Variants in SNTG1 observed in about 807,000 individuals in gnomAD.
SNTG1 encodes the protein gamma-1-syntrophin.
Under a neutral mutation model 74.7 loss-of-function variants are expected in SNTG1, and 39 were observed. The observed-to-expected ratio is 0.52, with a 90% confidence interval of 0.40 to 0.68. The LOEUF (loss-of-function observed/expected upper bound fraction) is 0.68. SNTG1 is among the 30% of genes least tolerant of loss of function. SNTG1 has a pLI of 0.00. For missense variants in SNTG1, 685 were observed against 609.5 expected, an observed-to-expected ratio of 1.12 and a Z score of -1.30; for synonymous variants, 254 against 217.1, an observed-to-expected ratio of 1.17 and a Z score of -1.49.
intron 18 of SNTG1, among the ~76,000 whole-genome samples, chr8:50,768,024 A>G (rs901544893): frequency 3.3e-5 from 5 of 151,990 alleles, no homozygotes; most frequent in Non-Finnish European, 7.4e-5. Context: ...TGTACAGTAC[A>G]TAAGAGAAGG....
chr8:50,234,697 C>T (rs2085801424), intron 2 of SNTG1, among the ~76,000 whole-genome samples: 1 of 151,986 alleles, frequency 6.6e-6, no homozygotes, highest in Non-Finnish European at 1.5e-5. Flanking sequence ...AAAACCATAT[C>T]CTAAATATTG....
intron 1 of SNTG1, among the ~76,000 whole-genome samples, chr8:50,042,130 T>C (rs1474672086): frequency 1.3e-5 from 2 of 152,220 alleles, no homozygotes; most frequent in East Asian, 3.8e-4. Flanking sequence ...ATTTTTTTGG[T>C]CATCAGCCTT....
chr8:50,088,296 T>G (rs1823107037), intron 1 of SNTG1, among the ~76,000 whole-genome samples: 1 of 147,526 alleles, frequency 6.8e-6, no homozygotes, highest in Non-Finnish European at 1.5e-5. Flanking sequence ...ACAGCCAATA[T>G]CATACTGAAT....
intron 1 of SNTG1, among the ~76,000 whole-genome samples, chr8:49,935,611 C>A (rs1808013237): frequency 6.6e-6 from 1 of 151,984 alleles, no homozygotes; most frequent in South Asian, 2.1e-4. Flanking sequence ...TTTCCCAGCC[C>A]TGGTTAAGAC....
chr8:50,128,553 A>G (rs1286510638), intron 1 of SNTG1, among the ~76,000 whole-genome samples: 1 of 152,112 alleles, frequency 6.6e-6, no homozygotes, highest in African/African-American at 2.4e-5. Context: ...AATAAACCAT[A>G]TATTGTTCCC....
chr8:49,928,663 C>T (rs984304231), intron 1 of SNTG1, among the ~76,000 whole-genome samples: 7 of 151,876 alleles, frequency 4.6e-5, no homozygotes, highest in Non-Finnish European at 1.0e-4. Context: ...ATTTTGCTGT[C>T]AATGTAAAAC....
intron 9 of SNTG1, among the ~76,000 whole-genome samples, chr8:50,518,472 G>A (rs1270567725): frequency 6.6e-6 from 1 of 152,032 alleles, no homozygotes; most frequent in Non-Finnish European, 1.5e-5. Flanking sequence ...AGAACTTAAG[G>A]AGATAGAGAC....
At chr8:50,563,871 C>G (rs1486414528) in intron 12 of SNTG1, among the ~76,000 whole-genome samples, 1 of 152,090 alleles carries the variant, frequency 6.6e-6, no homozygotes, top group Non-Finnish European at 1.5e-5. Flanking sequence ...TCAGACAGCT[C>G]TCTCCTGGAA....
At chr8:49,943,551 C>A (rs1808888187) in intron 1 of SNTG1, among the ~76,000 whole-genome samples, 1 of 152,230 alleles carries the variant, frequency 6.6e-6, no homozygotes, top group Admixed American at 6.5e-5. Flanking sequence ...ATCTTTTTGT[C>A]TGAAGGCTTG....
At chr8:50,786,796 A>T (rs1356566658) in intron 18 of SNTG1, among the ~76,000 whole-genome samples, 1 of 152,012 alleles carries the variant, frequency 6.6e-6, no homozygotes, top group Non-Finnish European at 1.5e-5. Flanking sequence ...GAATCCAAAA[A>T]ATTAAGTTGA....
At chr8:50,086,539 C>T (rs564675515) in intron 1 of SNTG1, among the ~76,000 whole-genome samples, 3 of 152,070 alleles carry the variant, frequency 2.0e-5, no homozygotes, top group African/African-American at 7.2e-5. Context: ...CTTGAAAGGT[C>T]AGATGAATGT....
chr8:50,570,235 T>C (rs1208753637), intron 12 of SNTG1, among the ~76,000 whole-genome samples: 1 of 55,844 alleles, frequency 1.8e-5, no homozygotes, highest in Non-Finnish European at 4.9e-5. Context: ...ATTTTTATTT[T>C]ATTTTATTTT....
intron 1 of SNTG1, among the ~76,000 whole-genome samples, chr8:50,153,965 TG>T (rs1010777715): frequency 6.6e-6 from 1 of 152,186 alleles, no homozygotes; most frequent in Admixed American, 6.5e-5. Context: ...CAGAGGTTTT[TG>T]CTGCCTTTTG....
Position 50,159,525 on chromosome 8 carries a change from C to A in SNTG1, c.-102-13036C>A, listed in dbSNP as rs2082351248. Among the ~76,000 whole-genome samples the A allele has an allele frequency of 5.9e-5, 9 of 152,138 alleles. 1 individual carries two copies. Among genetic ancestry groups the A allele is most frequent in the Admixed American group, 6.5e-5 (1 of 15,274 alleles). ...TTATTAATTTGTGTTTTTCTAGTCT[C>A]TTTACTATAATCTCAATGAGATTTT... On this transcript the variant is annotated intron_variant, in intron 1 of 18. Transcript: ENST00000642720.
At chr8:50,438,667 A>G (rs1263043690) in intron 5 of SNTG1, 68 bp downstream of exon 5, 9 of 1,298,278 alleles carry the variant, frequency 6.9e-6, no homozygotes, top group South Asian at 2.5e-5. Context: ...GTGCATTTCA[A>G]TGTTTGCTGA....
intron 1 of SNTG1, among the ~76,000 whole-genome samples, chr8:50,087,773 T>A: frequency 6.6e-6 from 1 of 152,020 alleles, no homozygotes; most frequent in African/African-American, 2.4e-5. Context: ...ATTTTATTTA[T>A]TTTTTATTTA....
At chr8:50,395,998 A>G (rs879010937) in intron 3 of SNTG1, among the ~76,000 whole-genome samples, 1 of 152,224 alleles carries the variant, frequency 6.6e-6, no homozygotes, top group Admixed American at 6.5e-5. Context: ...ATACTATTTA[A>G]CAAATGGTTT....
chr8:50,320,880 A>G (rs1421801663), intron 2 of SNTG1, among the ~76,000 whole-genome samples: 3 of 152,102 alleles, frequency 2.0e-5, no homozygotes, highest in Non-Finnish European at 2.9e-5. Context: ...GAGAACATAC[A>G]TGACATTATT....
At chr8:50,726,185 C>A (rs932194629) in intron 17 of SNTG1, among the ~76,000 whole-genome samples, 4 of 152,148 alleles carry the variant, frequency 2.6e-5, no homozygotes, top group African/African-American at 7.2e-5. Flanking sequence ...AAATAGTGCA[C>A]TGAAAGAGCT....
Sources: allele counts gnomAD v4.1 joint callset (sites outside exome capture counted in the v4.1 genomes callset), GRCh38; gene constraint gnomAD v4.1.1; transcripts MANE v1.5; gene names NCBI Gene and HGNC (gene_info 2026-07-23, HGNC 2026-07-21).